Variants in LRRC4C observed in about 807,000 individuals in gnomAD.
LRRC4C encodes the protein leucine rich repeat containing 4C, also known as leucine-rich repeat-containing protein 4C.
A neutral mutation model predicts 33.6 loss-of-function variants in LRRC4C; 5 were observed. That is an observed-to-expected ratio of 0.15 (90% confidence interval 0.08 to 0.31). LRRC4C has a LOEUF of 0.31. Ranked by LOEUF, LRRC4C falls within the 10% of genes least tolerant of loss-of-function variation. LRRC4C has a pLI of 1.00. For synonymous variants in LRRC4C, 329 were observed against 302.0 expected (o/e 1.09, Z -0.93); for missense variants, 560 against 796.7 (o/e 0.70, Z 3.58).
intron 1 of LRRC4C, 54 bp from the exon 2 acceptor site, chr11:40,933,777 T>C (rs1957741118): frequency 6.6e-6 from 1 of 151,952 alleles, no homozygotes. Flanking sequence ...AGTTAGAAAA[T>C]AGCCCAAGCA....
intron 1 of LRRC4C, among the ~76,000 whole-genome samples, chr11:41,300,916 G>A (rs531092713): frequency 6.6e-6 from 1 of 152,122 alleles, no homozygotes; most frequent in Non-Finnish European, 1.5e-5. Flanking sequence ...TATGGTAGAG[G>A]CAGAGAGAGG....
At chr11:40,817,752 A>C (rs930181821) in intron 2 of LRRC4C, among the ~76,000 whole-genome samples, 1 of 151,646 alleles carries the variant, frequency 6.6e-6, no homozygotes, top group Non-Finnish European at 1.5e-5. Context: ...ATGCTGGCTG[A>C]CTCCTCAAAT....
At chr11:40,173,232 G>A (rs1210892907) in intron 5 of LRRC4C, among the ~76,000 whole-genome samples, 3 of 152,306 alleles carry the variant, frequency 2.0e-5, no homozygotes, top group Non-Finnish European at 4.4e-5. Context: ...GGCAATGACA[G>A]CCCTAAGAAA....
At chr11:41,409,321 A>G (rs1366568463) in intron 1 of LRRC4C, among the ~76,000 whole-genome samples, 1 of 152,222 alleles carries the variant, frequency 6.6e-6, no homozygotes, top group Admixed American at 6.5e-5. Flanking sequence ...CCAAGGAATA[A>G]ACTATTCAAC....
chr11:40,318,072 C>T (rs994628456), intron 4 of LRRC4C, among the ~76,000 whole-genome samples: 13 of 151,972 alleles, frequency 8.6e-5, no homozygotes, highest in Non-Finnish European at 1.9e-4. Flanking sequence ...AAGACATACC[C>T]GAGAACATTG....
chr11:40,598,671 A>T (rs1392350269), intron 3 of LRRC4C, among the ~76,000 whole-genome samples: 2 of 152,166 alleles, frequency 1.3e-5, no homozygotes, highest in Admixed American at 1.3e-4. Flanking sequence ...GTTTTATTTA[A>T]TATGTACCAG....
At chr11:40,258,859 G>A (rs187795715) in intron 4 of LRRC4C, among the ~76,000 whole-genome samples, 54 of 152,164 alleles carry the variant, frequency 3.5e-4, no homozygotes, top group African/African-American at 1.2e-3. Flanking sequence ...TAAACCAACG[G>A]ATCTAGAAAC....
At chr11:41,370,221 C>T (rs1591369696) in intron 1 of LRRC4C, among the ~76,000 whole-genome samples, 1 of 152,072 alleles carries the variant, frequency 6.6e-6, no homozygotes, top group Admixed American at 6.5e-5. Context: ...CACTCTATCA[C>T]CCACCAGGCT....
chr11:40,591,952 A>C (rs942003995), intron 3 of LRRC4C, among the ~76,000 whole-genome samples: 2 of 152,220 alleles, frequency 1.3e-5, no homozygotes, highest in African/African-American at 4.8e-5. Context: ...CGTCTATCCT[A>C]TAAAAGTTCC....
intron 3 of LRRC4C, among the ~76,000 whole-genome samples, chr11:40,566,086 G>GTTTTTTTTTTTTTTTTTTTTTTTTTTTTT: frequency 5.3e-4 from 33 of 62,768 alleles, no homozygotes; most frequent in African/African-American, 8.3e-4. Context: ...TTTTTACTAA[G>GTTTTTTTTTTTTTTTTTTTTTTTTTTTTT]TTTTTTTTTT....
chr11:40,687,527 T>C (rs866370158), intron 2 of LRRC4C, among the ~76,000 whole-genome samples: 2 of 152,124 alleles, frequency 1.3e-5, no homozygotes, highest in Admixed American at 6.6e-5. Flanking sequence ...TGTTGCTTAA[T>C]AAATAGTATT....
chr11:40,748,923 A>T (rs1435294658), intron 2 of LRRC4C, among the ~76,000 whole-genome samples: 1 of 152,142 alleles, frequency 6.6e-6, no homozygotes, highest in Non-Finnish European at 1.5e-5. Flanking sequence ...TCACTGCAGC[A>T]AGAGGATATG....
At chr11:40,120,992 T>C (rs1178606531) in intron 6 of LRRC4C, among the ~76,000 whole-genome samples, 2 of 152,196 alleles carry the variant, frequency 1.3e-5, no homozygotes, top group African/African-American at 4.8e-5. Flanking sequence ...TACTGTGTTA[T>C]GTAAAGTTAC....
chr11:40,294,309 C>A (rs542852280), intron 4 of LRRC4C, among the ~76,000 whole-genome samples: 7 of 152,244 alleles, frequency 4.6e-5, no homozygotes, highest in Middle Eastern at 3.4e-3. Flanking sequence ...AAGCAACCCC[C>A]ACGCTGGGAG....
chr11:41,053,839 G>T (rs1320634125), intron 1 of LRRC4C, among the ~76,000 whole-genome samples: 1 of 152,072 alleles, frequency 6.6e-6, no homozygotes, highest in Non-Finnish European at 1.5e-5. Flanking sequence ...CAATCTTAAC[G>T]ATTTTAACTC....
intron 4 of LRRC4C, among the ~76,000 whole-genome samples, chr11:40,286,350 A>T (rs868062020): frequency 2.0e-4 from 30 of 152,148 alleles, no homozygotes; most frequent in Admixed American, 1.2e-3. Flanking sequence ...GGACTACTAG[A>T]TACTTGTAAA....
At chr11:41,306,037 A>AAAAAAAG (rs1555142894) in intron 1 of LRRC4C, among the ~76,000 whole-genome samples, 23 of 144,842 alleles carry the variant, frequency 1.6e-4, no homozygotes, top group Admixed American at 8.2e-4. Context: ...AAAAAAAAAA[A>AAAAAAAG]AAAGAAAGAA....
intron 3 of LRRC4C, among the ~76,000 whole-genome samples, chr11:40,595,653 A>G (rs1462312660): frequency 6.6e-6 from 1 of 152,038 alleles, no homozygotes; most frequent in Non-Finnish European, 1.5e-5. Context: ...TTAAGATATT[A>G]GGTTTTCTTT....
chr11:40,686,169 C>G (rs1468235163), intron 2 of LRRC4C, among the ~76,000 whole-genome samples: 1 of 151,960 alleles, frequency 6.6e-6, no homozygotes. Context: ...GTTTCATGAC[C>G]TTTCTAAGTC....
Sources: gnomAD v4.1 joint callset for allele counts (sites outside exome capture counted in the v4.1 genomes callset) on GRCh38, gnomAD v4.1.1 for gene constraint, MANE v1.5 for transcripts, NCBI Gene and HGNC (gene_info 2026-07-23, HGNC 2026-07-21) for gene names.